PARD3B: variants seen among roughly 807,000 people sequenced by gnomAD.
The protein encoded by PARD3B is par-3 family cell polarity regulator beta, also known as partitioning defective 3 homolog B.
PARD3B carries 103 observed loss-of-function variants against 130.2 expected under a neutral mutation model. The observed-to-expected ratio is 0.79, with a 90% CI of 0.67 to 0.93. The LOEUF is 0.93. PARD3B is among the 40% of genes least tolerant of loss of function. The pLI is 0.00. For missense variants in PARD3B, 1,609 were observed against 1,499.2 expected (o/e 1.07, Z -1.21); for synonymous variants, 583 against 553.2 (o/e 1.05, Z -0.76).
chr2:204,871,778 A>T (rs551110694), intron 2 of PARD3B, among the ~76,000 whole-genome samples: 2 of 152,180 alleles, frequency 1.3e-5, no homozygotes, highest in Non-Finnish European at 2.9e-5. Context: ...AAATTCCCTC[A>T]TCTGGAGCTA....
chr2:204,952,779 A>C (rs1031893690), intron 2 of PARD3B, among the ~76,000 whole-genome samples: 78 of 152,062 alleles, frequency 5.1e-4, no homozygotes, highest in African/African-American at 1.8e-3. Context: ...CAGGCGGATC[A>C]TGAGGTCAGG....
At chr2:205,557,276 T>C (rs547776920) in intron 22 of PARD3B, among the ~76,000 whole-genome samples, 67 of 152,284 alleles carry the variant, frequency 4.4e-4, no homozygotes, top group Admixed American at 6.5e-4. Context: ...GCCGTCCAGC[T>C]TTTTTTGTAG....
intron 3 of PARD3B, among the ~76,000 whole-genome samples, chr2:204,969,830 A>G (rs1030783532): frequency 1.3e-5 from 2 of 152,208 alleles, no homozygotes; most frequent in Non-Finnish European, 2.9e-5. Flanking sequence ...AGAGAACAAG[A>G]CCAGGAAATG....
intron 1 of PARD3B, among the ~76,000 whole-genome samples, chr2:204,578,608 G>C (rs1364528033): frequency 6.6e-6 from 1 of 152,084 alleles, no homozygotes; most frequent in Non-Finnish European, 1.5e-5. Context: ...TTATTATAAT[G>C]ATGTAATATT....
intron 6 of PARD3B, among the ~76,000 whole-genome samples, chr2:205,117,472 G>A (rs1176410362): frequency 6.6e-6 from 1 of 152,150 alleles, no homozygotes; most frequent in Admixed American, 6.5e-5. Context: ...GATGATGGGA[G>A]CTCATTAAGG....
At chr2:204,899,539 TTAA>T (rs1248047499) in intron 2 of PARD3B, among the ~76,000 whole-genome samples, 2 of 152,208 alleles carry the variant, frequency 1.3e-5, no homozygotes, top group Non-Finnish European at 2.9e-5. Context: ...CCCTTCATTA[TTAA>T]TATTTTGTTG....
At chr2:204,979,184 C>A (rs1046430332) in intron 3 of PARD3B, among the ~76,000 whole-genome samples, 1 of 146,264 alleles carries the variant, frequency 6.8e-6, no homozygotes, top group African/African-American at 2.6e-5. Flanking sequence ...CCAGCCTAGG[C>A]GACAGAGCGA....
chr2:204,716,779 C>CGCCT (rs2038752081), intron 2 of PARD3B, among the ~76,000 whole-genome samples: 1 of 151,832 alleles, frequency 6.6e-6, no homozygotes, highest in Non-Finnish European at 1.5e-5. Context: ...CCCGCCACCA[C>CGCCT]GCCTGGCTAA....
chr2:205,466,327 A>C (rs1195596718), intron 20 of PARD3B, among the ~76,000 whole-genome samples: 1 of 152,332 alleles, frequency 6.6e-6, no homozygotes, highest in South Asian at 2.1e-4. Context: ...ATTCCTCTGC[A>C]GGTCAGAATA....
In PARD3B at chr2:205,380,954, G is replaced by A. The variant is rs1311356106; in HGVS notation, c.2631-20059G>A. ...ATAAAGAATATATATAATATATAAT[G>A]TATATAATATCTAAAGAATATATTA... On this transcript the variant is annotated intron_variant, in intron 18 of 22. Transcript: ENST00000406610. Among the ~76,000 whole-genome samples, 94 of 13,248 alleles carry A rather than the reference G, an allele frequency of 7.1e-3. 9 individuals carry two copies. The highest frequency in any genetic ancestry group is 8.9e-3 in the African/African-American group (43 of 4,848). 8.7% of individuals were successfully genotyped at this position (13,248 alleles called of 152,430 possible).
In PARD3B at chr2:205,176,124, C is replaced by T. The variant is rs1182991074; in HGVS notation, c.1792-321C>T. Among the ~76,000 whole-genome samples, 1 of 152,206 alleles carries T rather than the reference C, an allele frequency of 6.6e-6. No individual in the cohort carries two copies. Among genetic ancestry groups the T allele is most frequent in the Non-Finnish European group, 1.5e-5 (1 of 68,036 alleles). ...CATGAACTGTATTCTTGTGTTGACA[C>T]TGCCACAAGCTGTATTCCCCAGATG... On this transcript the variant is annotated intron_variant, in intron 12 of 22. Coordinates refer to ENST00000406610, the MANE Select transcript of PARD3B (RefSeq NM_001302769.2). This position sits in a 1 kb window ranked among gnomAD's most constrained non-coding sequence, Gnocchi z 5.3.
At chr2:204,840,539 T>A (rs2044221483) in intron 2 of PARD3B, among the ~76,000 whole-genome samples, 1 of 152,140 alleles carries the variant, frequency 6.6e-6, no homozygotes, top group African/African-American at 2.4e-5. Flanking sequence ...TGTCCTTTTT[T>A]TTTTTAACTA....
At chr2:205,596,586 C>T (rs921945036) in intron 22 of PARD3B, among the ~76,000 whole-genome samples, 3 of 152,132 alleles carry the variant, frequency 2.0e-5, no homozygotes, top group Non-Finnish European at 4.4e-5. Flanking sequence ...TGCTTAGATT[C>T]TACATCAAAA....
intron 18 of PARD3B, among the ~76,000 whole-genome samples, chr2:205,375,248 A>G (rs2105917878): frequency 6.6e-6 from 1 of 152,360 alleles, no homozygotes; most frequent in African/African-American, 2.4e-5. Flanking sequence ...TGCATAAAGT[A>G]CTGTGAAATA....
intron 2 of PARD3B, among the ~76,000 whole-genome samples, chr2:204,840,950 C>A (rs953955704): frequency 9.2e-5 from 14 of 152,102 alleles, no homozygotes; most frequent in African/African-American, 3.4e-4. Flanking sequence ...TTACCAGGGT[C>A]AGGCATCCAC....
intron 1 of PARD3B, among the ~76,000 whole-genome samples, chr2:204,549,221 AT>A (rs1193132765): frequency 6.6e-6 from 1 of 152,128 alleles, no homozygotes; most frequent in Non-Finnish European, 1.5e-5. Flanking sequence ...TCCTGCCACC[AT>A]TTGATGAACT....
chr2:205,517,310 G>A (rs922752542), intron 21 of PARD3B, among the ~76,000 whole-genome samples: 8 of 151,584 alleles, frequency 5.3e-5, no homozygotes, highest in African/African-American at 1.9e-4. Flanking sequence ...CTCTTGAGAG[G>A]GTATATGTGT....
At position 204,553,381 on chromosome 2, in the gene PARD3B, C is replaced by T. The variant is rs374043797; in HGVS notation, c.120+7262C>T. 2.3e-3 allele frequency among the ~76,000 whole-genome samples: 356 copies of T among 151,668 alleles called. 1 individual carries two copies. Among genetic ancestry groups the T allele is most frequent in the African/African-American group, 8.2e-3 (337 of 41,296 alleles). On this transcript the variant is annotated intron_variant, in intron 1 of 22. Coordinates refer to ENST00000406610, the MANE Select transcript of PARD3B (RefSeq NM_001302769.2). ...CTAAAAGTAGAACTACCATTTGATC[C>T]GGCAATCCCACTACTGGGTATCTAC...
At chr2:205,020,744 G>T (rs1018744227) in intron 3 of PARD3B, among the ~76,000 whole-genome samples, 2 of 152,102 alleles carry the variant, frequency 1.3e-5, no homozygotes, top group Non-Finnish European at 2.9e-5. Context: ...ACCCAAGCTG[G>T]CATCTCCCTC....
Sources: gnomAD v4.1 joint callset for allele counts (sites outside exome capture counted in the v4.1 genomes callset) on GRCh38, gnomAD v4.1.1 for gene constraint, Gnocchi (gnomAD v3.1) non-coding constraint, MANE v1.5 for transcripts, NCBI Gene and HGNC (gene_info 2026-07-23, HGNC 2026-07-21) for gene names.